JPH3: variants seen among roughly 807,000 people sequenced by gnomAD.
The protein encoded by JPH3 is junctophilin 3.
Under a neutral mutation model 59.6 loss-of-function variants are expected in JPH3, and 11 were observed. That is an observed-to-expected ratio of 0.18 (90% CI 0.12 to 0.31). JPH3 has a LOEUF of 0.31. Among genes scored for constraint, JPH3 ranks in the 10% least tolerant of loss-of-function variants. The pLI is 1.00. For synonymous variants in JPH3, 673 were observed against 483.6 expected, an observed-to-expected ratio of 1.39 and a Z score of -5.14; for missense variants, 1,202 against 1,105.7, an observed-to-expected ratio of 1.09 and a Z score of -1.24.
intron 3 of JPH3, among the ~76,000 whole-genome samples, chr16:87,686,352 G>T (rs2033417517): frequency 6.7e-6 from 1 of 149,084 alleles, no homozygotes; most frequent in South Asian, 2.1e-4. Flanking sequence ...TTCCTGGAGG[G>T]CTCAGTTCTG....
intron 1 of JPH3, among the ~76,000 whole-genome samples, chr16:87,639,369 C>T (rs982218082): frequency 6.6e-6 from 1 of 152,174 alleles, no homozygotes; most frequent in Non-Finnish European, 1.5e-5. Context: ...CCTCATGGCT[C>T]CACCAGACCC....
At chr16:87,651,118 A>C (rs2032313940) in intron 2 of JPH3, among the ~76,000 whole-genome samples, 1 of 152,238 alleles carries the variant, frequency 6.6e-6, no homozygotes, top group Admixed American at 6.5e-5. Flanking sequence ...GAATTGTGTA[A>C]AATCCACTCT....
chr16:87,621,867 C>G (rs915854702), intron 1 of JPH3, among the ~76,000 whole-genome samples: 1 of 152,174 alleles, frequency 6.6e-6, no homozygotes, highest in Non-Finnish European at 1.5e-5. Context: ...TCACTGTCGC[C>G]TGTAGACATG....
At chr16:87,618,669 C>G (rs906101438) in intron 1 of JPH3, among the ~76,000 whole-genome samples, 2 of 152,222 alleles carry the variant, frequency 1.3e-5, no homozygotes, top group African/African-American at 4.8e-5. Flanking sequence ...CATCGCCTGT[C>G]TTTTTGGTTG....
intron 1 of JPH3, among the ~76,000 whole-genome samples, chr16:87,626,485 G>A (rs183700997): frequency 1.1e-3 from 160 of 152,352 alleles, no homozygotes; most frequent in African/African-American, 3.6e-3. Context: ...CCTGGGGCCC[G>A]GAGACAGGCT....
At chr16:87,623,156 G>A (rs1287078589) in intron 1 of JPH3, among the ~76,000 whole-genome samples, 1 of 152,218 alleles carries the variant, frequency 6.6e-6, no homozygotes, top group Non-Finnish European at 1.5e-5. Context: ...GTTCCAGCGT[G>A]GGCCAAGCTC....
chr16:87,630,544 G>C (rs1264656440), intron 1 of JPH3, among the ~76,000 whole-genome samples: 3 of 152,202 alleles, frequency 2.0e-5, no homozygotes, highest in African/African-American at 7.2e-5. Context: ...CTTAGTTTCT[G>C]TGGCTGGAAA....
intron 2 of JPH3, among the ~76,000 whole-genome samples, chr16:87,672,248 C>G (rs1432696934): frequency 6.6e-6 from 1 of 152,126 alleles, no homozygotes; most frequent in African/African-American, 2.4e-5. Flanking sequence ...TTCTAACACG[C>G]CGGGAGCCCT....
chr16:87,632,166 C>T (rs2031584460), intron 1 of JPH3, among the ~76,000 whole-genome samples: 1 of 152,184 alleles, frequency 6.6e-6, no homozygotes, highest in Non-Finnish European at 1.5e-5. Flanking sequence ...AATTTTCCAC[C>T]TCTCTCCTGG....
intron 1 of JPH3, among the ~76,000 whole-genome samples, chr16:87,633,984 G>A (rs905281938): frequency 6.6e-5 from 10 of 152,102 alleles, no homozygotes; most frequent in Admixed American, 5.2e-4. Flanking sequence ...CTGTGAAAAC[G>A]GAGGAGCGAC....
intron 2 of JPH3, among the ~76,000 whole-genome samples, chr16:87,665,828 C>A (rs957914806): frequency 6.6e-6 from 1 of 152,214 alleles, no homozygotes; most frequent in Non-Finnish European, 1.5e-5. Context: ...CCTTTGCTTC[C>A]CAGAATGTTC....
rs775198774 is a variant in JPH3 at position 87,690,306 on chromosome 16, G to A, written c.1946G>A (p.Gly649Asp). The A allele has an allele frequency of 3.1e-6, 5 of 1,595,088 alleles. No homozygotes were observed. The highest frequency in any genetic ancestry group is 2.7e-5 in the African/African-American group (2 of 74,436). ...LGDDHRPEDR[G>D]FGVQRLRSKA... ...GACGACCACCGCCCCGAGGACCGGG[G>A]CTTCGGGGTGCAGAGACTGCGGTCC... The change falls in exon 4 of 5, where the codon GGC (glycine) becomes GAC (aspartate). Residue 649 changes from glycine to aspartate, a missense_variant. Transcript: ENST00000284262.
At chr16:87,661,658 C>T (rs972480099) in intron 2 of JPH3, among the ~76,000 whole-genome samples, 17 of 152,212 alleles carry the variant, frequency 1.1e-4, no homozygotes, top group Admixed American at 6.5e-4. Flanking sequence ...TGCTCAGAGA[C>T]GAAGAGTCAC....
At chr16:87,618,819 G>T (rs2031067908) in intron 1 of JPH3, among the ~76,000 whole-genome samples, 1 of 152,132 alleles carries the variant, frequency 6.6e-6, no homozygotes, top group South Asian at 2.1e-4. Context: ...GCCGGGCGCA[G>T]TGCTCACACC....
chr16:87,681,231 G>A lies in JPH3; in HGVS notation c.1161-2911G>A, dbSNP rs1031717524. ...ATGACAGTTCCGGGAGGTCAGGTGC[G>A]CGCGGTGATGACAGTTCCAGAAGGT... On this transcript the variant is annotated intron_variant, in intron 2 of 4. Transcript: ENST00000284262. Among the ~76,000 whole-genome samples, 17 of 145,326 alleles carry A rather than the reference G, an allele frequency of 1.2e-4. No homozygotes were observed. In the South Asian group the frequency reaches 3.6e-3, roughly 30 times the overall value.
At chr16:87,622,609 A>G (rs934580) in intron 1 of JPH3, among the ~76,000 whole-genome samples, 34,959 of 152,096 alleles carry the variant, frequency 0.23, 4,281 homozygotes, top group African/African-American at 0.29. Flanking sequence ...CTGGGATGGA[A>G]GTCTGCCAGA....
chr16:87,652,037 C>T (rs1164759198), intron 2 of JPH3, among the ~76,000 whole-genome samples: 2 of 151,966 alleles, frequency 1.3e-5, no homozygotes, highest in Admixed American at 6.6e-5. Context: ...TGCAGTGGCA[C>T]GATCTTGGCT....
intron 1 of JPH3, among the ~76,000 whole-genome samples, chr16:87,636,526 C>G (rs757828560): frequency 6.6e-6 from 1 of 152,174 alleles, no homozygotes; most frequent in Non-Finnish European, 1.5e-5. Context: ...GCAGAGCTCC[C>G]GTCTGGGGGA....
In JPH3 at chr16:87,644,902, C is replaced by G; in HGVS notation, c.1027C>G (p.Leu343Val). The G allele has an allele frequency of 6.2e-7, 1 of 1,613,176 alleles. No homozygotes were observed. The highest frequency in any genetic ancestry group is 1.1e-5 in the South Asian group (1 of 91,082). The change falls in exon 2 of 5, where the codon CTC becomes GTC. Residue 343 changes from leucine to valine, a missense_variant. Transcript: ENST00000284262. ...GGAGGGCAAGTACAAGCAGAACATC[C>G]TCGTCGGCGGCAAGCGCAAGAACCT... is the stretch of plus-strand genomic sequence containing the variant. ...KEEGKYKQNI[L>V]VGGKRKNLIP... is the part of the protein sequence containing the mutation.
Sources: allele counts gnomAD v4.1 joint callset (sites outside exome capture counted in the v4.1 genomes callset), GRCh38; gene constraint gnomAD v4.1.1; transcripts MANE v1.5; gene names NCBI Gene and HGNC (gene_info 2026-07-23, HGNC 2026-07-21).